Variants in DCDC1 observed in about 807,000 individuals in gnomAD.
The protein encoded by DCDC1 is doublecortin domain-containing protein 1.
Under a neutral mutation model 178.3 loss-of-function variants are expected in DCDC1, and 200 were observed. The ratio of observed to expected loss-of-function variants is 1.12; its 90% CI spans 1.00 to 1.26. The LOEUF (loss-of-function observed/expected upper bound fraction) is 1.26. DCDC1 is among the 50% of genes most tolerant of loss of function. The probability of loss-of-function intolerance (pLI) is 0.00; values close to 1 mark genes in which losing one functional copy is unlikely to be tolerated. For missense variants in DCDC1, 1,983 were observed against 1,749.2 expected (o/e 1.13, Z -2.38); for synonymous variants, 690 against 604.8 (o/e 1.14, Z -2.07).
At chr11:31,359,428 C>T (rs1262852880) in intron 1 of DCDC1, among the ~76,000 whole-genome samples, 18 of 114,264 alleles carry the variant, frequency 1.6e-4, no homozygotes, top group African/African-American at 6.1e-4. Context: ...CCTCTGGGGA[C>T]TGTTGTGGGG....
At chr11:31,226,342 A>C (rs891575225) in intron 9 of DCDC1, among the ~76,000 whole-genome samples, 2 of 152,084 alleles carry the variant, frequency 1.3e-5, no homozygotes, top group African/African-American at 4.8e-5. Flanking sequence ...CCAGAAAAAT[A>C]AGAAAGAGGG....
At chr11:30,887,843 C>G (rs1389212861) in intron 36 of DCDC1, among the ~76,000 whole-genome samples, 1 of 151,614 alleles carries the variant, frequency 6.6e-6, no homozygotes, top group Non-Finnish European at 1.5e-5. Flanking sequence ...AACCTCATGT[C>G]TACTATAAAG....
chr11:31,143,230 A>G (rs548432007), intron 9 of DCDC1, among the ~76,000 whole-genome samples: 57 of 152,300 alleles, frequency 3.7e-4, no homozygotes, highest in Middle Eastern at 3.4e-3. Flanking sequence ...AGCATAAATA[A>G]TAGGTAGTAT....
chr11:31,028,621 A>G (rs1277503289), intron 20 of DCDC1, among the ~76,000 whole-genome samples: 1 of 152,058 alleles, frequency 6.6e-6, no homozygotes, highest in African/African-American at 2.4e-5. Context: ...TAGACTAGCA[A>G]ATTTGAAATG....
intron 20 of DCDC1, among the ~76,000 whole-genome samples, chr11:31,043,240 G>A (rs1406592356): frequency 6.6e-6 from 1 of 152,294 alleles, no homozygotes; most frequent in East Asian, 1.9e-4. Flanking sequence ...GTGTAATTGA[G>A]AGACTTTTGC....
chr11:31,329,749 A>G (rs1949863541), intron 2 of DCDC1, among the ~76,000 whole-genome samples: 1 of 152,184 alleles, frequency 6.6e-6, no homozygotes, highest in South Asian at 2.1e-4. Flanking sequence ...TTATGGCTGC[A>G]TAGTATTCCA....
intron 3 of DCDC1, among the ~76,000 whole-genome samples, chr11:31,315,170 A>G (rs1235058109): frequency 6.6e-6 from 1 of 152,114 alleles, no homozygotes; most frequent in Non-Finnish European, 1.5e-5. Flanking sequence ...CAATTTGAAG[A>G]AAACTCCTAG....
intron 20 of DCDC1, among the ~76,000 whole-genome samples, chr11:30,955,911 G>C (rs1039375592): frequency 1.3e-5 from 2 of 152,170 alleles, no homozygotes; most frequent in African/African-American, 4.8e-5. Context: ...TCAGTGGTTG[G>C]AGAAAAACAC....
intron 29 of DCDC1, among the ~76,000 whole-genome samples, chr11:30,908,646 A>G (rs1488712180): frequency 1.3e-5 from 2 of 152,188 alleles, no homozygotes; most frequent in African/African-American, 4.8e-5. Flanking sequence ...ATAGTTAAAT[A>G]TGAATGATGG....
intron 8 of DCDC1, among the ~76,000 whole-genome samples, chr11:31,255,668 T>C (rs1036969552): frequency 1.5e-4 from 23 of 152,220 alleles, no homozygotes; most frequent in African/African-American, 5.1e-4. Context: ...CATTTTTTAA[T>C]TGAATTGTTT....
Position 30,872,414 on chromosome 11 carries a change from A to G in DCDC1, c.*40+6130T>C, listed in dbSNP as rs574258142. Among the ~76,000 whole-genome samples, 5 of 152,240 alleles carry G rather than the reference A, an allele frequency of 3.3e-5. No individual in the cohort carries two copies. The East Asian group carries it at 7.7e-4, about 23-fold the overall frequency. On this transcript the variant is annotated intron_variant, in intron 38 of 38. Coordinates refer to ENST00000684477, the MANE Select transcript of DCDC1 (RefSeq NM_001387274.1). ...ATGCCTCAATAATTTTACATTGATGATATGTTGAAATGCTAATACTTTGGA... is the reference window on the plus strand; with the variant it reads ...ATGCCTCAATAATTTTACATTGATGGTATGTTGAAATGCTAATACTTTGGA...
intron 29 of DCDC1, among the ~76,000 whole-genome samples, 161 bp downstream of exon 29, chr11:30,908,785 T>C (rs970448476): frequency 2.6e-5 from 4 of 152,160 alleles, no homozygotes; most frequent in Admixed American, 2.6e-4. Flanking sequence ...TTTTCCTTCA[T>C]TCTTTCCTAC....
chr11:31,305,724 C>G lies in DCDC1; in HGVS notation c.645G>C (p.Val215=). The G allele has an allele frequency of 6.2e-7, 1 of 1,613,792 alleles. No homozygotes were observed. Among genetic ancestry groups the G allele is most frequent in the Non-Finnish European group, 8.5e-7 (1 of 1,179,860 alleles). The change falls in exon 6 of 39, where the codon GTG becomes GTC. Residue 215 remains valine (V), a synonymous_variant. Coordinates refer to ENST00000684477, the MANE Select transcript of DCDC1 (RefSeq NM_001387274.1). ...GGGCTTCCTTGCCGTCTGCCAAGAA[C>G]ACTCGTCTTGCGGCCATGTTCAGAT... is the stretch of plus-strand genomic sequence containing the variant. ...KLNLNMAARR[V]FLADGKEALE...
In DCDC1 at chr11:30,903,493, T is replaced by A. The variant is rs1199170884; in HGVS notation, c.4499A>T (p.Glu1500Val). ...APVGKEQIIV[E>V]SMEENPRMKV... ...AGATTGTAGCCAACCTTCCATACTT[T>A]CAACAATTATCTGTTCTTTTCCAAC... Residue 1500 changes from glutamate to valine, a missense_variant, in exon 32 of 39, where the codon GAA (glutamate) becomes GTA (valine). Glu to Val is a moderately radical substitution (Grantham distance 121, BLOSUM62 -2). Coordinates refer to ENST00000684477, the MANE Select transcript of DCDC1 (RefSeq NM_001387274.1). The A allele has an allele frequency of 2.5e-6, 4 of 1,595,552 alleles. No individual in the cohort carries two copies. In the South Asian group the frequency reaches 3.4e-5, roughly 14 times the overall value.
In DCDC1 at chr11:31,241,529, G is replaced by A; in HGVS notation, c.1142C>T (p.Ser381Leu). 2.5e-6 allele frequency: 1 copy of A among 397,678 alleles called. No homozygotes were observed. The allele number at this position is 397,678 out of a possible 1,614,324, so 24.6% of individuals were successfully genotyped here. ...WVSKGEGFSPSGAKMYIQGVL... is the reference protein window; with the variant it reads ...WVSKGEGFSPLGAKMYIQGVL... ...TCCTTGGATGTACATCTTAGCTCCT[G>A]AGGGGCTGAAACCTTCTCCCTTAGA... Residue 381 changes from serine (S) to leucine (L), a missense_variant, in exon 9 of 39, where the codon TCA becomes TTA. Physicochemically the swap from Ser to Leu is moderately radical, Grantham distance 145. Coordinates refer to ENST00000684477, the MANE Select transcript of DCDC1 (RefSeq NM_001387274.1).
chr11:31,055,088 T>C (rs1955500476), intron 20 of DCDC1, among the ~76,000 whole-genome samples: 1 of 151,992 alleles, frequency 6.6e-6, no homozygotes, highest in African/African-American at 2.4e-5. Context: ...AATCTATACA[T>C]CTGACAAAAG....
chr11:31,236,687 T>A (rs1196909595), intron 9 of DCDC1, among the ~76,000 whole-genome samples: 1 of 151,960 alleles, frequency 6.6e-6, no homozygotes, highest in East Asian at 1.9e-4. Context: ...ACAAACAACC[T>A]AATATTCTAA....
intron 20 of DCDC1, among the ~76,000 whole-genome samples, chr11:31,035,259 T>C (rs1445601506): frequency 6.6e-6 from 1 of 152,184 alleles, no homozygotes; most frequent in African/African-American, 2.4e-5. Context: ...GAAATTAACA[T>C]TGGTGTGACA....
chr11:30,992,461 GACTTTTCATATTC>G (rs1565161578), intron 20 of DCDC1: 1 of 152,184 alleles, frequency 6.6e-6, no homozygotes, highest in South Asian at 2.1e-4. Context: ...ATACCAACCT[GACTTTTCATATTC>G]AAGCTTTCCA....
Sources: gnomAD v4.1 joint callset for allele counts (sites outside exome capture counted in the v4.1 genomes callset) on GRCh38, gnomAD v4.1.1 for gene constraint, MANE v1.5 for transcripts, NCBI Gene and HGNC (gene_info 2026-07-23, HGNC 2026-07-21) for gene names.